The following PSKH1 variants were observed in gnomAD, a reference collection of about 807,000 sequenced individuals.
PSKH1 encodes the protein protein serine kinase H1.
In PSKH1, 12 loss-of-function variants were observed where a neutral mutation model predicts 26.7. The ratio of observed to expected loss-of-function variants is 0.45; its 90% CI spans 0.29 to 0.73. The LOEUF (loss-of-function observed/expected upper bound fraction) is 0.73, where lower values mean the gene tolerates loss of function less well. PSKH1 is among the 30% of genes least tolerant of loss of function. The pLI is 0.11. For synonymous variants in PSKH1, 213 were observed against 234.3 expected (o/e 0.91, Z 0.83); for missense variants, 431 against 595.2 (o/e 0.72, Z 2.87).
At chr16:67,919,929 A>G (rs1567401441) in intron 2 of PSKH1, among the ~76,000 whole-genome samples, 1 of 152,194 alleles carries the variant, frequency 6.6e-6, no homozygotes, top group Non-Finnish European at 1.5e-5. Flanking sequence ...ACTTCCCTGT[A>G]GTGGCAGGAG....
At chr16:67,919,591 T>A (rs2058196549) in intron 2 of PSKH1, among the ~76,000 whole-genome samples, 1 of 152,194 alleles carries the variant, frequency 6.6e-6, no homozygotes, top group East Asian at 1.9e-4. Flanking sequence ...GTTCAACAGA[T>A]TAAGTCTCCC....
At position 67,908,903 on chromosome 16, in the gene PSKH1, T is replaced by C. The variant is rs750891126; in HGVS notation, c.154T>C (p.Phe52Leu). The C allele has an allele frequency of 1.2e-6, 2 of 1,613,906 alleles. No homozygotes were observed. The highest frequency in any genetic ancestry group is 1.7e-6 in the Non-Finnish European group (2 of 1,179,986). ...CAGTGTTGGCCCTGTCAAAGCCGGGTTCCCAGCAGCAAGTCAGTATGCACA... is the reference window on the plus strand; with the variant it reads ...CAGTGTTGGCCCTGTCAAAGCCGGGCTCCCAGCAGCAAGTCAGTATGCACA... ...VDSVGPVKAG[F>L]PAASQYAHPC... is the part of the protein sequence containing the mutation. The change falls in exon 2 of 3, where the codon TTC (phenylalanine) becomes CTC (leucine). Residue 52 changes from phenylalanine to leucine, a missense_variant. By Grantham distance (22) the Phe-to-Leu change is conservative. Transcript: ENST00000291041.
intron 1 of PSKH1, among the ~76,000 whole-genome samples, chr16:67,905,306 A>G (rs2058153259): frequency 6.6e-6 from 1 of 151,726 alleles, no homozygotes; most frequent in African/African-American, 2.4e-5. Flanking sequence ...ACCTTCTATA[A>G]CTTCATCTCC....
chr16:67,921,584 TA>T (rs1225184650), intron 2 of PSKH1, among the ~76,000 whole-genome samples: 18 of 144,484 alleles, frequency 1.2e-4, no homozygotes, highest in African/African-American at 1.8e-4. Context: ...CTGTCTCTCT[TA>T]AAAAAAAAAA....
intron 2 of PSKH1, among the ~76,000 whole-genome samples, chr16:67,915,716 C>T (rs1357839905): frequency 1.3e-5 from 2 of 152,186 alleles, no homozygotes; most frequent in South Asian, 2.1e-4. Context: ...CACAGCTAGA[C>T]GGTCTCCTGG....
At position 67,909,602 on chromosome 16, in the gene PSKH1, G is replaced by A. The variant is rs201009210; in HGVS notation, c.853G>A (p.Val285Ile). Residue 285 changes from valine to isoleucine, a missense_variant, in exon 2 of 3, where the codon GTC becomes ATC. Val to Ile is a conservative substitution (Grantham distance 29). Transcript: ENST00000291041. The surrounding 1 kb of genome is among the most constrained non-coding windows in gnomAD (Gnocchi z 7.8). ...CTCAGTGGACATGTGGGCGCTGGGC[G>A]TCATTGCCTACATCCTACTCAGTGG... ...TNSVDMWALG[V>I]IAYILLSGTM... 186 of 1,613,908 alleles carry A rather than the reference G, an allele frequency of 1.2e-4. No individual in the cohort carries two copies. The highest frequency in any genetic ancestry group is 1.6e-4 in the Middle Eastern group (1 of 6,084).
intron 1 of PSKH1, among the ~76,000 whole-genome samples, chr16:67,894,018 A>G (rs2058119383): frequency 6.6e-6 from 1 of 152,222 alleles, no homozygotes; most frequent in African/African-American, 2.4e-5. Flanking sequence ...CTTCTTAGCA[A>G]GGCATTCAGG....
At chr16:67,903,840 CTTTTTTTTTTT>C (rs1241734475) in intron 1 of PSKH1, among the ~76,000 whole-genome samples, 4 of 125,366 alleles carry the variant, frequency 3.2e-5, no homozygotes, top group Non-Finnish European at 6.8e-5. Flanking sequence ...GCACTACACT[CTTTTTTTTTTT>C]TTTTTTTTTC....
chr16:67,896,410 G>A (rs2058126558), intron 1 of PSKH1, among the ~76,000 whole-genome samples: 1 of 152,080 alleles, frequency 6.6e-6, no homozygotes, highest in Non-Finnish European at 1.5e-5. Flanking sequence ...CAACCGGCTA[G>A]AAGGTCTTGT....
Position 67,909,882 on chromosome 16 carries a change from G to T in PSKH1, c.957+176G>T, listed in dbSNP as rs1047283985. ...TGTAGTTTGGGTTCCCTCAAGGTGA[G>T]CCCTGAGACAAGGACTTGGGAGCAG... is the stretch of plus-strand genomic sequence containing the variant. On this transcript the variant is annotated intron_variant, in intron 2 of 2. Coordinates refer to ENST00000291041, the MANE Select transcript of PSKH1 (RefSeq NM_006742.3). This position sits in a 1 kb window ranked among gnomAD's most constrained non-coding sequence, Gnocchi z 7.8. The T allele has an allele frequency of 3.2e-6, 2 of 625,828 alleles. No homozygotes were observed. Among genetic ancestry groups the T allele is most frequent in the East Asian group, 5.5e-5 (2 of 36,328 alleles). 38.8% of individuals were successfully genotyped at this position (625,828 alleles called of 1,614,324 possible).
Position 67,909,874 on chromosome 16 carries a change from C to T in PSKH1, c.957+168C>T. 1 of 647,734 alleles carries T rather than the reference C, an allele frequency of 1.5e-6. No individual in the cohort carries two copies. 40.1% of individuals were successfully genotyped at this position (647,734 alleles called of 1,614,324 possible). On this transcript the variant is annotated intron_variant, in intron 2 of 2. Transcript: ENST00000291041. This position sits in a 1 kb window ranked among gnomAD's most constrained non-coding sequence, Gnocchi z 7.8. The stretch of plus-strand genomic sequence containing the variant: ...TATCAGAATGTAGTTTGGGTTCCCT[C>T]AAGGTGAGCCCTGAGACAAGGACTT...
rs1457306892 is a variant in PSKH1, at chr16:67,929,534, T to A, written c.*1892T>A. 5.4e-6 allele frequency: 1 copy of A among 184,434 alleles called. No individual in the cohort carries two copies. 11.4% of individuals were successfully genotyped at this position (184,434 alleles called of 1,614,324 possible). On this transcript the variant is annotated 3_prime_UTR_variant, in exon 3 of 3. Coordinates refer to ENST00000291041, the MANE Select transcript of PSKH1 (RefSeq NM_006742.3). ...ACAGGGGGTTTGGAGATGTGGGCCT[T>A]TGATAGACCCACTTGGGCCTTCATG...
intron 1 of PSKH1, among the ~76,000 whole-genome samples, chr16:67,895,672 G>A (rs2058124431): frequency 6.6e-6 from 1 of 152,178 alleles, no homozygotes; most frequent in African/African-American, 2.4e-5. Flanking sequence ...CTCCCAAAGT[G>A]CTGGGATTAC....
intron 2 of PSKH1, among the ~76,000 whole-genome samples, chr16:67,917,970 C>T (rs757820685): frequency 3.3e-5 from 5 of 152,032 alleles, no homozygotes; most frequent in Non-Finnish European, 5.9e-5. Context: ...GGAGAGGTAG[C>T]GAAGGCCTGT....
At chr16:67,895,168 C>T (rs2058122600) in intron 1 of PSKH1, among the ~76,000 whole-genome samples, 1 of 151,930 alleles carries the variant, frequency 6.6e-6, no homozygotes. Context: ...GGTGATCCAC[C>T]TGCCTCGGCC....
At chr16:67,925,566 G>A (rs537384769) in intron 2 of PSKH1, among the ~76,000 whole-genome samples, 2 of 152,084 alleles carry the variant, frequency 1.3e-5, no homozygotes, top group South Asian at 2.1e-4. Context: ...TGCTCTCTGC[G>A]CCCACCCACA....
chr16:67,895,586 C>A (rs8061426), intron 1 of PSKH1, among the ~76,000 whole-genome samples: 4 of 151,504 alleles, frequency 2.6e-5, no homozygotes. Context: ...TTTTTGTATT[C>A]TTAGTAGAGA....
chr16:67,926,299 G>A (rs1384330252), intron 2 of PSKH1, among the ~76,000 whole-genome samples: 1 of 152,250 alleles, frequency 6.6e-6, no homozygotes, highest in Non-Finnish European at 1.5e-5. Flanking sequence ...CGGCAGCACC[G>A]TGGGTTGTTT....
At chr16:67,914,460 T>C (rs2058181323) in intron 2 of PSKH1, among the ~76,000 whole-genome samples, 2 of 147,406 alleles carry the variant, frequency 1.4e-5, no homozygotes, top group Non-Finnish European at 3.0e-5. Flanking sequence ...GTCTGAATTT[T>C]TTTTTTTTCT....
Sources: gnomAD v4.1 joint callset for allele counts (sites outside exome capture counted in the v4.1 genomes callset) on GRCh38, gnomAD v4.1.1 for gene constraint, Gnocchi (gnomAD v3.1) non-coding constraint, MANE v1.5 for transcripts, NCBI Gene and HGNC (gene_info 2026-07-23, HGNC 2026-07-21) for gene names.